PDE6D: variants seen among roughly 807,000 people sequenced by gnomAD.
PDE6D encodes the protein retinal rod rhodopsin-sensitive cGMP 3',5'-cyclic phosphodiesterase subunit delta.
PDE6D carries 10 observed loss-of-function variants against 21.9 expected under a neutral mutation model. The observed-to-expected ratio is 0.46, with a 90% CI of 0.28 to 0.78. The LOEUF (loss-of-function observed/expected upper bound fraction) is 0.78, where lower values mean the gene tolerates loss of function less well. Among genes scored for constraint, PDE6D ranks in the 30% least tolerant of loss-of-function variants. PDE6D has a pLI of 0.12. For synonymous variants in PDE6D, 59 were observed against 63.5 expected, an observed-to-expected ratio of 0.93 and a Z score of 0.34; for missense variants, 139 against 184.8, an observed-to-expected ratio of 0.75 and a Z score of 1.44.
intron 1 of PDE6D, among the ~76,000 whole-genome samples, chr2:231,754,127 C>T (rs2048864458): frequency 6.6e-6 from 1 of 152,078 alleles, no homozygotes; most frequent in Non-Finnish European, 1.5e-5. Context: ...GAGGAATAAA[C>T]CTCTCCCTAA....
intron 1 of PDE6D, among the ~76,000 whole-genome samples, chr2:231,773,630 G>T (rs1197876356): frequency 1.3e-5 from 2 of 152,122 alleles, no homozygotes; most frequent in Non-Finnish European, 1.5e-5. Flanking sequence ...GGTACTATGA[G>T]AAAGAAGATA....
intron 4 of PDE6D, among the ~76,000 whole-genome samples, chr2:231,736,383 G>A (rs1300074235): frequency 6.6e-6 from 1 of 151,912 alleles, no homozygotes; most frequent in Non-Finnish European, 1.5e-5. Context: ...ACATGATCTT[G>A]GCTCATTGTA....
intron 1 of PDE6D, among the ~76,000 whole-genome samples, chr2:231,761,290 T>G (rs2048923750): frequency 6.6e-6 from 1 of 152,160 alleles, no homozygotes. Context: ...TTCTCCTGCC[T>G]CAGCCTCCCG....
intron 1 of PDE6D, among the ~76,000 whole-genome samples, chr2:231,775,528 G>A: frequency 8.0e-6 from 1 of 125,090 alleles, no homozygotes; most frequent in Admixed American, 9.3e-5. Context: ...TTGCCATGTT[G>A]CCTAGGCTGG....
chr2:231,742,978 C>T (rs2048762156), intron 1 of PDE6D, among the ~76,000 whole-genome samples: 1 of 152,196 alleles, frequency 6.6e-6, no homozygotes, highest in South Asian at 2.1e-4. Flanking sequence ...CTTCAACTTC[C>T]AGGCAGCTCC....
intron 1 of PDE6D, among the ~76,000 whole-genome samples, chr2:231,758,529 G>A (rs769470476): frequency 6.6e-6 from 1 of 152,154 alleles, no homozygotes; most frequent in African/African-American, 2.4e-5. Context: ...CTGCCTATTA[G>A]AATCACTTGG....
intron 1 of PDE6D, among the ~76,000 whole-genome samples, chr2:231,742,163 C>T (rs964646643): frequency 1.3e-5 from 2 of 151,738 alleles, no homozygotes; most frequent in African/African-American, 4.8e-5. Context: ...CTCTTGTTGC[C>T]CAGGCTGGAG....
chr2:231,761,980 C>A (rs2106279380), intron 1 of PDE6D, among the ~76,000 whole-genome samples: 1 of 152,286 alleles, frequency 6.6e-6, no homozygotes, highest in South Asian at 2.1e-4. Context: ...GCTAGAAGAG[C>A]TGAGGGAACT....
In PDE6D at chr2:231,737,216, C is replaced by G; in HGVS notation, c.342G>C (p.Glu114Asp). ...AGACGCTTGCTGGCATCATCTGGGA[C>G]TCGGGTGCTGCCTCTATCAAGGACT... is the stretch of plus-strand genomic sequence containing the variant. ...TWQSLIEAAP[E>D]SQMMPASVLT... The change falls in exon 4 of 5, where the codon GAG (glutamate) becomes GAC (aspartate). Residue 114 changes from glutamate to aspartate, a missense_variant. Glu to Asp is a conservative substitution (Grantham distance 45). Coordinates refer to ENST00000287600, the MANE Select transcript of PDE6D (RefSeq NM_002601.4). 2 of 1,611,518 alleles carry G rather than the reference C, an allele frequency of 1.2e-6. No individual in the cohort carries two copies. Among genetic ancestry groups the G allele is most frequent in the Middle Eastern group, 1.7e-4 (1 of 6,058 alleles).
chr2:231,781,131 C>A lies in PDE6D; in HGVS notation c.-17G>T. On this transcript the variant is annotated 5_prime_UTR_variant, in exon 1 of 5. Coordinates refer to ENST00000287600, the MANE Select transcript of PDE6D (RefSeq NM_002601.4). ...GGCTGACATGATGCGGCGGTCGCCG[C>A]CCGCGGCTTTCTCACTCTGGTCGGC... 6.2e-7 allele frequency: 1 copy of A among 1,611,784 alleles called. No homozygotes were observed. Among genetic ancestry groups the A allele is most frequent in the Non-Finnish European group, 8.5e-7 (1 of 1,179,398 alleles).
intron 1 of PDE6D, among the ~76,000 whole-genome samples, chr2:231,761,828 T>C (rs2048932591): frequency 2.0e-5 from 3 of 152,178 alleles, no homozygotes; most frequent in Admixed American, 2.0e-4. Flanking sequence ...AGCAGTCAAA[T>C]ATCTTTCTCA....
rs1250393120 is a variant in PDE6D, at chr2:231,781,055, G to C, written c.50+10C>G. The C allele has an allele frequency of 2.5e-6, 4 of 1,611,614 alleles. No homozygotes were observed. Among genetic ancestry groups the C allele is most frequent in the Non-Finnish European group, 3.4e-6 (4 of 1,178,504 alleles). On this transcript the variant is annotated intron_variant, in intron 1 of 4. Coordinates refer to ENST00000287600, the MANE Select transcript of PDE6D (RefSeq NM_002601.4). ...GTCCTCCCGGCCCCGCCCCGCTCCC[G>C]GACGGATACAGTTTGAAGCCCCTCA...
chr2:231,767,665 ATAAG>A (rs560002671), intron 1 of PDE6D, among the ~76,000 whole-genome samples: 13 of 152,226 alleles, frequency 8.5e-5, no homozygotes, highest in Admixed American at 2.6e-4. Flanking sequence ...GTCAGCTTAA[ATAAG>A]TGATTTCCAT....
At chr2:231,733,939 A>G (rs1016200508) in intron 4 of PDE6D, among the ~76,000 whole-genome samples, 1 of 152,070 alleles carries the variant, frequency 6.6e-6, no homozygotes, top group South Asian at 2.1e-4. Context: ...GTAGCCGGGC[A>G]CGGTGGCTCA....
chr2:231,775,395 C>T (rs551308692), intron 1 of PDE6D, among the ~76,000 whole-genome samples: 1 of 152,008 alleles, frequency 6.6e-6, no homozygotes, highest in South Asian at 2.1e-4. Context: ...CTGCGACCTC[C>T]ACCTCCCAGG....
intron 1 of PDE6D, among the ~76,000 whole-genome samples, chr2:231,762,030 T>C (rs542981297): frequency 6.6e-6 from 1 of 152,292 alleles, no homozygotes; most frequent in East Asian, 1.9e-4. Flanking sequence ...TCCTCAAATA[T>C]ACCATGGAAA....
At chr2:231,775,318 T>C (rs2049046721) in intron 1 of PDE6D, among the ~76,000 whole-genome samples, 2 of 151,974 alleles carry the variant, frequency 1.3e-5, no homozygotes, top group Admixed American at 1.3e-4. Context: ...AGTCCATTAT[T>C]ATTATTATTG....
At chr2:231,743,722 T>G (rs964663723) in intron 1 of PDE6D, among the ~76,000 whole-genome samples, 4 of 152,072 alleles carry the variant, frequency 2.6e-5, no homozygotes, top group Non-Finnish European at 5.9e-5. Context: ...CCACTTTTTT[T>G]TTTTAAACAA....
At chr2:231,751,859 T>C (rs2048842633) in intron 1 of PDE6D, among the ~76,000 whole-genome samples, 2 of 152,226 alleles carry the variant, frequency 1.3e-5, no homozygotes, top group African/African-American at 4.8e-5. Flanking sequence ...ATTGTGAAGT[T>C]ACTCTTTTCC....
Sources: allele counts gnomAD v4.1 joint callset (sites outside exome capture counted in the v4.1 genomes callset), GRCh38; gene constraint gnomAD v4.1.1; transcripts MANE v1.5; gene names NCBI Gene and HGNC (gene_info 2026-07-23, HGNC 2026-07-21).